PREX2: variants seen among roughly 807,000 people sequenced by gnomAD.
PREX2 encodes the protein phosphatidylinositol-3,4,5-trisphosphate dependent Rac exchange factor 2, also known as phosphatidylinositol 3,4,5-trisphosphate-dependent Rac exchanger 2 protein.
A neutral mutation model predicts 203.2 loss-of-function variants in PREX2; 107 were observed. The observed-to-expected ratio is 0.53, with a 90% CI of 0.45 to 0.62. The LOEUF is 0.62. PREX2 is among the 20% of genes least tolerant of loss of function. PREX2 has a pLI of 0.00. For synonymous variants in PREX2, 672 were observed against 663.6 expected (o/e 1.01, Z -0.19); for missense variants, 1,777 against 1,955.9 (o/e 0.91, Z 1.72).
intron 17 of PREX2, chr8:68,082,321 A>G (rs1191778815): frequency 6.6e-6 from 1 of 152,204 alleles, no homozygotes; most frequent in East Asian, 1.9e-4. Context: ...GAACCTGTTT[A>G]AAGTTAGTGG....
intron 31 of PREX2, among the ~76,000 whole-genome samples, chr8:68,132,705 C>G (rs1237803027): frequency 6.6e-6 from 1 of 152,172 alleles, no homozygotes; most frequent in Non-Finnish European, 1.5e-5. Flanking sequence ...GTGTTATACA[C>G]TAATATTGAC....
chr8:68,050,402 T>C (rs1808492333), intron 8 of PREX2, among the ~76,000 whole-genome samples: 1 of 149,992 alleles, frequency 6.7e-6, no homozygotes, highest in Non-Finnish European at 1.5e-5. Context: ...CATGTCTTCC[T>C]GGCCGGAGCA....
intron 18 of PREX2, among the ~76,000 whole-genome samples, chr8:68,086,280 T>C (rs1267304109): frequency 6.6e-6 from 1 of 152,190 alleles, no homozygotes; most frequent in Non-Finnish European, 1.5e-5. Flanking sequence ...GCCTAGGTTA[T>C]ATTTGAGATT....
rs375311298 is a variant in PREX2, at chr8:68,090,530, T to C, written c.2114-49T>C. ...TAATTGTATATATCATACAAATGAA[T>C]CTTATTCCTGAAATTTGTTTTTGGT... On this transcript the variant is annotated intron_variant, in intron 19 of 39. Transcript: ENST00000288368. The C allele has an allele frequency of 4.2e-5, 64 of 1,532,370 alleles. 1 individual carries two copies. In the East Asian group the frequency reaches 1.3e-3, roughly 30 times the overall value. The allele number at this position is 1,532,370 out of a possible 1,614,324, so 94.9% of individuals were successfully genotyped here. A position where few individuals can be genotyped will look rare whatever the true frequency, so the allele number is the denominator to read the frequency against.
At chr8:67,978,210 C>A (rs1303807718) in intron 1 of PREX2, among the ~76,000 whole-genome samples, 1 of 152,092 alleles carries the variant, frequency 6.6e-6, no homozygotes, top group Admixed American at 6.5e-5. Context: ...CTCCTCTCCC[C>A]CCGCACATAC....
rs756926923 is a variant in PREX2, at chr8:68,099,792, T to C, written c.2664T>C (p.Leu888=). 6.2e-7 allele frequency: 1 copy of C among 1,612,780 alleles called. No individual in the cohort carries two copies. The highest frequency in any genetic ancestry group is 1.1e-5 in the South Asian group (1 of 91,056). ...ACCTTCAGAGTAAATTCAGTGCCCT[T>C]TGCAGTGAAAGAATTGAACACCTAT... ...PTDLQSKFSA[L]CSERIEHLCQ... Residue 888 remains leucine (L), a synonymous_variant, in exon 23 of 40, where the codon CTT becomes CTC. Coordinates refer to ENST00000288368, the MANE Select transcript of PREX2 (RefSeq NM_024870.4).
intron 23 of PREX2, chr8:68,102,708 C>A (rs983259000): frequency 5.2e-6 from 2 of 383,486 alleles, no homozygotes; most frequent in Non-Finnish European, 5.1e-6. Flanking sequence ...GCTGGCTTTA[C>A]CTTATTTTGA....
At position 68,118,921 on chromosome 8, in the gene PREX2, A is replaced by C. The variant is rs1810712317; in HGVS notation, c.3421+277A>C. 5.1e-6 allele frequency: 3 copies of C among 584,082 alleles called. No homozygotes were observed. In the Admixed American group the frequency reaches 5.7e-5, roughly 11 times the overall value. 36.2% of individuals were successfully genotyped at this position (584,082 alleles called of 1,614,324 possible). A position where few individuals can be genotyped will look rare whatever the true frequency, so the allele number is the denominator to read the frequency against. ...TCTGTATGGTTCTATGAAGGATTATAGGTACACAGGAAATATACTGGAAGT... is the reference window on the plus strand; with the variant it reads ...TCTGTATGGTTCTATGAAGGATTATCGGTACACAGGAAATATACTGGAAGT... On this transcript the variant is annotated intron_variant, in intron 27 of 39. Coordinates refer to ENST00000288368, the MANE Select transcript of PREX2 (RefSeq NM_024870.4).
At chr8:68,144,542 C>T (rs1225457855) in intron 33 of PREX2, among the ~76,000 whole-genome samples, 1 of 152,092 alleles carries the variant, frequency 6.6e-6, no homozygotes, top group Non-Finnish European at 1.5e-5. Context: ...AACCTGTATC[C>T]TGAAACCTAG....
chr8:68,033,263 T>C lies in PREX2; in HGVS notation c.705+2605T>C, dbSNP rs372837413. Among the ~76,000 whole-genome samples, 6 of 152,246 alleles carry C rather than the reference T, an allele frequency of 3.9e-5. No homozygotes were observed. The South Asian group carries it at 1.0e-3, about 26-fold the overall frequency. ...AGAAAAGGGTGGCTTTTGAGCAGAG[T>C]TGGTTTTTAGTCTGGACTCTAACCC... On this transcript the variant is annotated intron_variant, in intron 6 of 39. Transcript: ENST00000288368.
intron 21 of PREX2, 34 bp downstream of exon 21, chr8:68,093,756 A>T: frequency 8.4e-7 from 1 of 1,185,082 alleles, no homozygotes; most frequent in Non-Finnish European, 1.3e-6. Flanking sequence ...ATGTGCTTAT[A>T]GTATTCTTTT....
At chr8:68,210,556 T>C (rs1462471915) in intron 37 of PREX2, among the ~76,000 whole-genome samples, 1 of 152,194 alleles carries the variant, frequency 6.6e-6, no homozygotes, top group African/African-American at 2.4e-5. Flanking sequence ...TGGTTTCCCA[T>C]GTCATTTCAT....
At chr8:68,157,295 G>T in intron 34 of PREX2, 27 bp from the exon 35 acceptor site, 1 of 1,295,116 alleles carries the variant, frequency 7.7e-7, no homozygotes, top group South Asian at 1.3e-5. Flanking sequence ...AAAGTTGCTT[G>T]TAAAATATGT....
In PREX2 at chr8:68,127,369, T is replaced by C; in HGVS notation, c.3725-9T>C. 1 of 1,597,186 alleles carries C rather than the reference T, an allele frequency of 6.3e-7. No individual in the cohort carries two copies. Among genetic ancestry groups the C allele is most frequent in the Non-Finnish European group, 8.6e-7 (1 of 1,167,328 alleles). ...GAACAATTAACTGATGTGTTTTCTT[T>C]CTCTGCAGAGGTAAAGTGTAGGCTA... On this transcript the variant is annotated splice_polypyrimidine_tract_variant and intron_variant, in intron 30 of 39. Coordinates refer to ENST00000288368, the MANE Select transcript of PREX2 (RefSeq NM_024870.4).
At position 68,030,486 on chromosome 8, in the gene PREX2, T is replaced by C. The variant is rs181724088; in HGVS notation, c.544-11T>C. Reference sequence around the variant, plus strand: ...GATCAAAGGGCGATTTGTTTTTTTGTGTATAAACAGGAGTTGCTGAAGCGG... The same window carrying C: ...GATCAAAGGGCGATTTGTTTTTTTGCGTATAAACAGGAGTTGCTGAAGCGG... On this transcript the variant is annotated splice_polypyrimidine_tract_variant and intron_variant, in intron 5 of 39. Coordinates refer to ENST00000288368, the MANE Select transcript of PREX2 (RefSeq NM_024870.4). The C allele has an allele frequency of 2.3e-4, 375 of 1,611,430 alleles. No homozygotes were observed. Among genetic ancestry groups the C allele is most frequent in the Admixed American group, 7.2e-4 (43 of 59,850 alleles).
chr8:68,124,084 T>C (rs998583839), intron 30 of PREX2, among the ~76,000 whole-genome samples: 3 of 152,114 alleles, frequency 2.0e-5, no homozygotes, highest in African/African-American at 7.2e-5. Context: ...AAGTAGTCTT[T>C]ATCCTTGGGA....
In PREX2 at chr8:68,234,863, G is replaced by A. The variant is rs1813235195; in HGVS notation, c.*3485G>A. ...ATGACGTTGAAATGACATTGGTTCT[G>A]AGTCTATTAATTTAAATTTTGGGAT... On this transcript the variant is annotated 3_prime_UTR_variant, in exon 40 of 40. Coordinates refer to ENST00000288368, the MANE Select transcript of PREX2 (RefSeq NM_024870.4). 6.6e-6 allele frequency: 1 copy of A among 151,988 alleles called. No individual in the cohort carries two copies. 9.4% of individuals were successfully genotyped at this position (151,988 alleles called of 1,614,324 possible).
rs1316787525 is a variant in PREX2, at chr8:68,224,945, G to A, written c.4775+319G>A. On this transcript the variant is annotated intron_variant, in intron 39 of 39. Transcript: ENST00000288368. ...CATTTATACTTCTGTGACTGTACAT[G>A]CTGTTCCTTCTAGCATGATTGCCTT... 4.6e-5 allele frequency among the ~76,000 whole-genome samples: 7 copies of A among 152,008 alleles called. No individual in the cohort carries two copies. In the East Asian group the frequency reaches 9.6e-4, roughly 21 times the overall value.
At chr8:68,208,448 A>G (rs906074830) in intron 37 of PREX2, among the ~76,000 whole-genome samples, 4 of 150,572 alleles carry the variant, frequency 2.7e-5, no homozygotes, top group East Asian at 3.9e-4. Flanking sequence ...GAGGCCACTG[A>G]AAAAAAAAAT....
Sources: allele counts gnomAD v4.1 joint callset (sites outside exome capture counted in the v4.1 genomes callset), GRCh38; gene constraint gnomAD v4.1.1; transcripts MANE v1.5; gene names NCBI Gene and HGNC (gene_info 2026-07-23, HGNC 2026-07-21).